Variants in PARD3B observed in about 807,000 individuals in gnomAD.
PARD3B encodes the protein par-3 family cell polarity regulator beta, also known as partitioning defective 3 homolog B.
A neutral mutation model predicts 130.2 loss-of-function variants in PARD3B; 103 were observed. That is an observed-to-expected ratio of 0.79 (90% CI 0.67 to 0.93). The LOEUF (loss-of-function observed/expected upper bound fraction) is 0.93, where lower values mean the gene tolerates loss of function less well. Among genes scored for constraint, PARD3B ranks in the 40% least tolerant of loss-of-function variants. PARD3B has a pLI of 0.00. For missense variants in PARD3B, 1,609 were observed against 1,499.2 expected (o/e 1.07, Z -1.21); for synonymous variants, 583 against 553.2 (o/e 1.05, Z -0.76).
At chr2:205,235,233 C>T (rs937643471) in intron 15 of PARD3B, among the ~76,000 whole-genome samples, 1 of 152,048 alleles carries the variant, frequency 6.6e-6, no homozygotes. Flanking sequence ...CCAGCCTGGG[C>T]AACATGACTA....
intron 13 of PARD3B, among the ~76,000 whole-genome samples, chr2:205,179,045 G>C (rs2035643815): frequency 6.6e-6 from 1 of 152,092 alleles, no homozygotes; most frequent in Admixed American, 6.5e-5. Flanking sequence ...AGATATGAAG[G>C]GGGAAGACAG....
chr2:205,551,646 C>G (rs2052651544), intron 21 of PARD3B, among the ~76,000 whole-genome samples: 4 of 152,162 alleles, frequency 2.6e-5, no homozygotes, highest in Admixed American at 1.3e-4. Flanking sequence ...AATAGTCTTT[C>G]TTAATCTAAG....
intron 2 of PARD3B, among the ~76,000 whole-genome samples, chr2:204,711,235 T>C (rs532685293): frequency 2.0e-5 from 3 of 152,318 alleles, no homozygotes; most frequent in East Asian, 1.9e-4. Flanking sequence ...GATTTTCCTC[T>C]TCTCCCCATA....
chr2:205,428,736 G>C (rs908263771), intron 19 of PARD3B, among the ~76,000 whole-genome samples: 1 of 151,974 alleles, frequency 6.6e-6, no homozygotes, highest in Non-Finnish European at 1.5e-5. Flanking sequence ...AATTTTAAAA[G>C]TAAAAATTCT....
In PARD3B at chr2:205,268,452, A is replaced by G. The variant is rs1015316465; in HGVS notation, c.2185+22630A>G. Among the ~76,000 whole-genome samples the G allele has an allele frequency of 2.6e-5, 4 of 152,326 alleles. No individual in the cohort carries two copies. The highest frequency in any genetic ancestry group is 2.1e-4 in the South Asian group (1 of 4,828). ...TCGTGGCAGAAGCCAGTATTGATTC[A>G]CATTACTGGTCAGCCCTCTTAAGAT... On this transcript the variant is annotated intron_variant, in intron 16 of 22. Transcript: ENST00000406610. The surrounding 1 kb of genome is among the most constrained non-coding windows in gnomAD (Gnocchi z 4.1).
chr2:205,577,044 G>A (rs1007918097), intron 22 of PARD3B, among the ~76,000 whole-genome samples: 5 of 152,058 alleles, frequency 3.3e-5, no homozygotes, highest in Non-Finnish European at 7.4e-5. Context: ...TCATTTTTGA[G>A]GGGGGCTTAT....
chr2:204,761,652 G>A (rs2040902111), intron 2 of PARD3B, among the ~76,000 whole-genome samples: 1 of 151,250 alleles, frequency 6.6e-6, no homozygotes, highest in South Asian at 2.1e-4. Context: ...TTCTTACCAT[G>A]ATATCTTCAA....
At chr2:205,392,846 A>C (rs1034586673) in intron 18 of PARD3B, among the ~76,000 whole-genome samples, 2 of 152,200 alleles carry the variant, frequency 1.3e-5, no homozygotes, top group Non-Finnish European at 2.9e-5. Context: ...CCAGAAATAG[A>C]ATTAGAATAT....
intron 13 of PARD3B, among the ~76,000 whole-genome samples, chr2:205,182,937 A>C (rs761414179): frequency 3.9e-5 from 6 of 152,200 alleles, no homozygotes. Flanking sequence ...AGCAGCCCAC[A>C]TTCCATTTGC....
rs116080997 is a variant in PARD3B at position 205,433,682 on chromosome 2, T to G, written c.2742-6688T>G. Among the ~76,000 whole-genome samples the G allele has an allele frequency of 7.2e-3, 1,098 of 152,302 alleles. 12 individuals carry two copies. The highest frequency in any genetic ancestry group is 0.025 in the African/African-American group (1,042 of 41,570). ...ATTTCTAGCACCCATGGATGTTCCC[T>G]CATACTTTTTCCCATTCATAGGTAA... On this transcript the variant is annotated intron_variant, in intron 19 of 22. Coordinates refer to ENST00000406610, the MANE Select transcript of PARD3B (RefSeq NM_001302769.2).
chr2:205,296,309 ACAGTTT>A, intron 16 of PARD3B, among the ~76,000 whole-genome samples: 1 of 152,154 alleles, frequency 6.6e-6, no homozygotes, highest in African/African-American at 2.4e-5. Context: ...TACCCTCTAG[ACAGTTT>A]TATTCTCAAT....
At chr2:205,476,027 C>T (rs926630369) in intron 20 of PARD3B, among the ~76,000 whole-genome samples, 8 of 152,234 alleles carry the variant, frequency 5.3e-5, no homozygotes, top group African/African-American at 1.4e-4. Context: ...TGATCACAGT[C>T]GCTGTCAAGT....
chr2:205,262,354 T>C (rs1211928999), intron 16 of PARD3B, among the ~76,000 whole-genome samples: 1 of 152,126 alleles, frequency 6.6e-6, no homozygotes, highest in African/African-American at 2.4e-5. Flanking sequence ...CTTTTATTTT[T>C]CTTCTTCTTT....
chr2:205,316,530 G>A (rs2105949817), intron 18 of PARD3B, among the ~76,000 whole-genome samples: 1 of 152,150 alleles, frequency 6.6e-6, no homozygotes, highest in East Asian at 1.9e-4. Context: ...ACTACTCTCT[G>A]GGAAAACCCA....
intron 10 of PARD3B, among the ~76,000 whole-genome samples, chr2:205,137,046 T>C (rs1414073285): frequency 6.6e-6 from 1 of 152,188 alleles, no homozygotes; most frequent in African/African-American, 2.4e-5. Context: ...TGCTAAGTGG[T>C]ATTAGAGAAA....
chr2:204,901,815 G>A (rs918370999), intron 2 of PARD3B, among the ~76,000 whole-genome samples: 1 of 152,124 alleles, frequency 6.6e-6, no homozygotes, highest in Admixed American at 6.5e-5. Flanking sequence ...AGCAGGTGAT[G>A]AATCCTTCCA....
chr2:205,292,254 C>T lies in PARD3B; in HGVS notation c.2186-8276C>T, dbSNP rs887591576. ...AGCCCTCATGAATGGGATTAGTTTC[C>T]TTATAAAAAAAAGACTCACAGAGAG... On this transcript the variant is annotated intron_variant, in intron 16 of 22. Transcript: ENST00000406610. This position sits in a 1 kb window ranked among gnomAD's most constrained non-coding sequence, Gnocchi z 5.3. 1.3e-5 allele frequency among the ~76,000 whole-genome samples: 2 copies of T among 151,964 alleles called. No individual in the cohort carries two copies. Among genetic ancestry groups the T allele is most frequent in the Non-Finnish European group, 2.9e-5 (2 of 68,006 alleles).
In PARD3B at chr2:204,659,257, C is replaced by T. The variant is rs114999915; in HGVS notation, c.121-26924C>T. Among the ~76,000 whole-genome samples the T allele has an allele frequency of 9.1e-3, 1,385 of 152,238 alleles. 10 individuals are homozygous for T. Among genetic ancestry groups the T allele is most frequent in the Admixed American group, 0.02 (299 of 15,262 alleles). ...TGAACAATTGTGTTGTTTTCCCTAA[C>T]GTTCATCTTTGGCTTCCAGTGATAG... On this transcript the variant is annotated intron_variant, in intron 1 of 22. Coordinates refer to ENST00000406610, the MANE Select transcript of PARD3B (RefSeq NM_001302769.2).
At chr2:205,246,648 A>G (rs758881696) in intron 16 of PARD3B, among the ~76,000 whole-genome samples, 1 of 152,178 alleles carries the variant, frequency 6.6e-6, no homozygotes, top group Non-Finnish European at 1.5e-5. Flanking sequence ...TGAAACAAAG[A>G]AGTCTTTCCC....
Sources: allele counts gnomAD v4.1 joint callset (sites outside exome capture counted in the v4.1 genomes callset), GRCh38; gene constraint gnomAD v4.1.1; non-coding constraint Gnocchi (gnomAD v3.1); transcripts MANE v1.5; gene names NCBI Gene and HGNC (gene_info 2026-07-23, HGNC 2026-07-21).